FOXO3: variants seen among roughly 807,000 people sequenced by gnomAD.
The protein encoded by FOXO3 is forkhead box O3, also known as forkhead box protein O3.
FOXO3 carries 4 observed loss-of-function variants against 41.9 expected under a neutral mutation model. The ratio of observed to expected loss-of-function variants is 0.10; its 90% CI spans 0.05 to 0.22. FOXO3 has a LOEUF of 0.22. Ranked by LOEUF, FOXO3 falls within the 10% of genes least tolerant of loss-of-function variation. FOXO3 has a pLI of 1.00. For synonymous variants in FOXO3, 318 were observed against 389.3 expected (o/e 0.82, Z 2.16); for missense variants, 534 against 906.8 (o/e 0.59, Z 5.28).
At chr6:108,663,393 A>T (rs912876070) in intron 1 of FOXO3, 62 bp from the exon 2 acceptor site, 1 of 1,524,432 alleles carries the variant, frequency 6.6e-7, no homozygotes, top group Non-Finnish European at 8.8e-7. Flanking sequence ...TTACTATATC[A>T]TCTGGGTGCT....
chr6:108,624,695 G>T (rs942985519), intron 1 of FOXO3, among the ~76,000 whole-genome samples: 1 of 152,072 alleles, frequency 6.6e-6, no homozygotes, highest in East Asian at 1.9e-4. Flanking sequence ...TTTTTTCTAT[G>T]CATAAAAGTG....
chr6:108,663,154 C>CTT (rs975107895), intron 1 of FOXO3, among the ~76,000 whole-genome samples: 11 of 152,252 alleles, frequency 7.2e-5, no homozygotes, highest in African/African-American at 2.4e-4. Flanking sequence ...GGGAGGATCT[C>CTT]TTGAGTCCAG....
intron 2 of FOXO3, among the ~76,000 whole-genome samples, chr6:108,670,478 A>G (rs926146928): frequency 2.0e-5 from 3 of 151,634 alleles, no homozygotes; most frequent in East Asian, 1.9e-4. Context: ...GATCCTCAAG[A>G]TAGTGAAATG....
chr6:108,616,612 T>C (rs1333059797), intron 1 of FOXO3, among the ~76,000 whole-genome samples: 1 of 152,220 alleles, frequency 6.6e-6, no homozygotes, highest in Non-Finnish European at 1.5e-5. Flanking sequence ...TATAACTTTT[T>C]AACAGCTTTG....
chr6:108,620,666 T>G (rs2128372617), intron 1 of FOXO3, among the ~76,000 whole-genome samples: 1 of 102,718 alleles, frequency 9.7e-6, no homozygotes, highest in South Asian at 2.8e-4. Context: ...TTTATAGTAA[T>G]AACAATTTTC....
chr6:108,621,521 G>GA (rs1034241566), intron 1 of FOXO3, among the ~76,000 whole-genome samples: 2 of 151,864 alleles, frequency 1.3e-5, no homozygotes, highest in African/African-American at 2.4e-5. Context: ...TTGTTGGGAT[G>GA]AGTCTTTCAC....
At chr6:108,679,434 G>A (rs1454317301) in intron 2 of FOXO3, among the ~76,000 whole-genome samples, 5 of 152,074 alleles carry the variant, frequency 3.3e-5, no homozygotes, top group African/African-American at 4.8e-5. Flanking sequence ...TTTTAGCATG[G>A]AAAGTCCCAT....
At chr6:108,649,860 T>C (rs1031591133) in intron 1 of FOXO3, among the ~76,000 whole-genome samples, 16 of 152,188 alleles carry the variant, frequency 1.1e-4, no homozygotes, top group African/African-American at 3.9e-4. Context: ...TTGTTGTGTG[T>C]TACTTTGAAC....
chr6:108,599,482 A>G (rs1017849691), intron 1 of FOXO3, among the ~76,000 whole-genome samples: 1 of 152,190 alleles, frequency 6.6e-6, no homozygotes, highest in Non-Finnish European at 1.5e-5. Context: ...TGCTTCTTAT[A>G]ATGACCCCTC....
chr6:108,568,236 CG>C (rs1289306090), intron 1 of FOXO3, among the ~76,000 whole-genome samples: 3 of 148,068 alleles, frequency 2.0e-5, no homozygotes, highest in African/African-American at 7.5e-5. Context: ...TTTTTTAAAG[CG>C]TGTGTTCATA....
At chr6:108,661,996 A>C (rs1562262302) in intron 1 of FOXO3, among the ~76,000 whole-genome samples, 3 of 152,150 alleles carry the variant, frequency 2.0e-5, no homozygotes, top group Non-Finnish European at 2.9e-5. Context: ...ATGAATCAAT[A>C]TGGATATATT....
At position 108,663,503 on chromosome 6, in the gene FOXO3, C is replaced by A. The variant is rs1015305403; in HGVS notation, c.670C>A (p.Gln224Lys). Residue 224 changes from glutamine to lysine, a missense_variant, in exon 2 of 3, where the codon CAG (glutamine) becomes AAG (lysine). This residue lies in a region of FOXO3 where 77 missense variants were observed against 193.2 expected (regional missense o/e 0.40). Coordinates refer to ENST00000406360, the MANE Select transcript of FOXO3 (RefSeq NM_001455.4). ...ACTGCATAGTCGATTCATGCGGGTCCAGAATGAGGGAACTGGCAAGAGCTC... is the reference window on the plus strand; with the variant it reads ...ACTGCATAGTCGATTCATGCGGGTCAAGAATGAGGGAACTGGCAAGAGCTC... ...LSLHSRFMRV[Q>K]NEGTGKSSWW... 6.2e-7 allele frequency: 1 copy of A among 1,609,854 alleles called. No individual in the cohort carries two copies. The highest frequency in any genetic ancestry group is 8.5e-7 in the Non-Finnish European group (1 of 1,178,028).
Position 108,664,090 on chromosome 6 carries a change from G to C in FOXO3, c.1257G>C (p.Lys419Asn). 6.2e-7 allele frequency: 1 copy of C among 1,614,148 alleles called. No homozygotes were observed. Among genetic ancestry groups the C allele is most frequent in the Non-Finnish European group, 8.5e-7 (1 of 1,180,030 alleles). ...GCTCTAGCTTCCCGTATACCACCAA[G>C]GGCTCGGGCCTGGGCTCCCCAACCA... is the stretch of plus-strand genomic sequence containing the variant. ...QRSSSFPYTT[K>N]GSGLGSPTSS... The change falls in exon 2 of 3, where the codon AAG becomes AAC. Residue 419 changes from lysine (K) to asparagine (N), a missense_variant. Coordinates refer to ENST00000406360, the MANE Select transcript of FOXO3 (RefSeq NM_001455.4).
At chr6:108,616,589 G>A (rs542002080) in intron 1 of FOXO3, among the ~76,000 whole-genome samples, 2 of 152,206 alleles carry the variant, frequency 1.3e-5, no homozygotes, top group South Asian at 2.1e-4. Flanking sequence ...GAGCCACTGC[G>A]CCCAGCCATA....
At chr6:108,602,270 A>G (rs537253633) in intron 1 of FOXO3, among the ~76,000 whole-genome samples, 9 of 152,232 alleles carry the variant, frequency 5.9e-5, no homozygotes, top group African/African-American at 2.2e-4. Context: ...CTTTCCTAAA[A>G]TCTTCCTAAA....
chr6:108,568,409 G>A (rs956640448), intron 1 of FOXO3, among the ~76,000 whole-genome samples: 3 of 151,776 alleles, frequency 2.0e-5, no homozygotes, highest in South Asian at 2.1e-4. Context: ...CTCCTTTTGT[G>A]TTCTCCATCA....
intron 2 of FOXO3, among the ~76,000 whole-genome samples, chr6:108,671,482 G>A (rs57012130): frequency 0.022 from 3,362 of 152,290 alleles, 130 homozygotes; most frequent in African/African-American, 0.077. Flanking sequence ...TCATGGCTGT[G>A]TGTCCTGCAG....
At chr6:108,641,076 A>C (rs1778244901) in intron 1 of FOXO3, among the ~76,000 whole-genome samples, 1 of 151,908 alleles carries the variant, frequency 6.6e-6, no homozygotes, top group Non-Finnish European at 1.5e-5. Context: ...CGCCCGGCTA[A>C]TTTTTATATT....
intron 1 of FOXO3, among the ~76,000 whole-genome samples, chr6:108,624,046 A>AT (rs1777745729): frequency 6.6e-6 from 1 of 152,230 alleles, no homozygotes; most frequent in African/African-American, 2.4e-5. Flanking sequence ...CAGGAATATC[A>AT]TAAAATCATG....
Sources: gnomAD v4.1 joint callset for allele counts (sites outside exome capture counted in the v4.1 genomes callset) on GRCh38, gnomAD v4.1.1 for gene constraint, gnomAD v4.1.1 regional missense constraint, MANE v1.5 for transcripts, NCBI Gene and HGNC (gene_info 2026-07-23, HGNC 2026-07-21) for gene names.